The following CTNNA2 variants were observed in gnomAD, a reference collection of about 807,000 sequenced individuals.
The protein encoded by CTNNA2 is catenin alpha 2.
Under a neutral mutation model 101.0 loss-of-function variants are expected in CTNNA2, and 42 were observed. The observed-to-expected ratio is 0.42, with a 90% CI of 0.32 to 0.54. The LOEUF (loss-of-function observed/expected upper bound fraction) is 0.54, where lower values mean the gene tolerates loss of function less well. Among genes scored for constraint, CTNNA2 ranks in the 20% least tolerant of loss-of-function variants. CTNNA2 has a pLI of 0.14. For missense variants in CTNNA2, 871 were observed against 1,223.1 expected (o/e 0.71, Z 4.29); for synonymous variants, 450 against 456.4 (o/e 0.99, Z 0.18).
intron 4 of CTNNA2, among the ~76,000 whole-genome samples, chr2:79,419,614 A>G (rs1345534035): frequency 6.6e-6 from 1 of 152,168 alleles, no homozygotes; most frequent in Non-Finnish European, 1.5e-5. Flanking sequence ...TTGAGTTTAG[A>G]TATAAAATTT....
chr2:79,589,221 A>G (rs1294722728), intron 1 of CTNNA2, among the ~76,000 whole-genome samples: 2 of 152,212 alleles, frequency 1.3e-5, no homozygotes, highest in African/African-American at 4.8e-5. Context: ...CAGCAGGCCA[A>G]GGCAGTCCAC....
chr2:79,686,143 C>T (rs115552430), intron 2 of CTNNA2, among the ~76,000 whole-genome samples: 1,593 of 152,080 alleles, frequency 0.01, 28 homozygotes, highest in African/African-American at 0.037. Context: ...GGCTGGTAGA[C>T]CCATTGCAGG....
chr2:79,967,923 A>G (rs1690190880), intron 7 of CTNNA2, among the ~76,000 whole-genome samples: 1 of 152,230 alleles, frequency 6.6e-6, no homozygotes, highest in Admixed American at 6.5e-5. Context: ...GAACTCAAGA[A>G]CATTATGCTA....
intron 2 of CTNNA2, among the ~76,000 whole-genome samples, chr2:79,287,223 A>G (rs1405923520): frequency 2.0e-5 from 3 of 152,048 alleles, no homozygotes. Context: ...GCTCGGAGTA[A>G]TTTGATCATC....
chr2:80,180,651 G>T (rs750992678), intron 7 of CTNNA2, among the ~76,000 whole-genome samples: 1 of 152,166 alleles, frequency 6.6e-6, no homozygotes, highest in Non-Finnish European at 1.5e-5. Flanking sequence ...AGCCCTTCAA[G>T]GATGCAGGTC....
chr2:80,630,680 A>G (rs1573512262), intron 18 of CTNNA2, among the ~76,000 whole-genome samples: 1 of 152,136 alleles, frequency 6.6e-6, no homozygotes, highest in South Asian at 2.1e-4. Context: ...AAATTTTTAC[A>G]TGGTGAGAGA....
intron 2 of CTNNA2, among the ~76,000 whole-genome samples, chr2:79,710,473 G>T (rs1339473748): frequency 2.0e-5 from 3 of 152,180 alleles, no homozygotes; most frequent in Non-Finnish European, 2.9e-5. Context: ...TGTTATATTT[G>T]TTAGTCATGA....
intron 7 of CTNNA2, among the ~76,000 whole-genome samples, chr2:80,331,433 C>T (rs1388380943): frequency 1.3e-5 from 2 of 152,030 alleles, no homozygotes; most frequent in Non-Finnish European, 2.9e-5. Context: ...AGAGATAAGT[C>T]GATTGGGAAA....
At chr2:79,695,043 A>G (rs1684568621) in intron 2 of CTNNA2, among the ~76,000 whole-genome samples, 1 of 148,762 alleles carries the variant, frequency 6.7e-6, no homozygotes, top group African/African-American at 2.5e-5. Context: ...TTTTTGGGGT[A>G]TTATGTGAAA....
intron 7 of CTNNA2, among the ~76,000 whole-genome samples, chr2:80,099,717 A>G (rs1015314313): frequency 1.3e-5 from 2 of 151,198 alleles, no homozygotes; most frequent in Non-Finnish European, 2.9e-5. Context: ...CATTATAGGA[A>G]CAATTGCCAA....
At chr2:79,913,559 A>G (rs1340996011) in intron 7 of CTNNA2, among the ~76,000 whole-genome samples, 2 of 152,196 alleles carry the variant, frequency 1.3e-5, no homozygotes, top group Admixed American at 1.3e-4. Flanking sequence ...ACAGGCCACA[A>G]AGGCAAAAGG....
chr2:79,772,953 A>G (rs1673700629), intron 3 of CTNNA2, among the ~76,000 whole-genome samples: 1 of 152,240 alleles, frequency 6.6e-6, no homozygotes, highest in African/African-American at 2.4e-5. Context: ...TATCAAACAT[A>G]ACATTTTATT....
chr2:80,316,880 G>C (rs1573697181), intron 7 of CTNNA2, among the ~76,000 whole-genome samples: 1 of 152,224 alleles, frequency 6.6e-6, no homozygotes, highest in East Asian at 1.9e-4. Context: ...TAAGCAAATA[G>C]ATTAATAAGA....
chr2:79,306,214 C>G (rs1676240396), intron 2 of CTNNA2, among the ~76,000 whole-genome samples: 1 of 152,012 alleles, frequency 6.6e-6, no homozygotes, highest in Non-Finnish European at 1.5e-5. Flanking sequence ...TAAAATGGTA[C>G]TAAGGGATTG....
chr2:79,366,468 A>G (rs916651841), intron 3 of CTNNA2, among the ~76,000 whole-genome samples: 2 of 152,156 alleles, frequency 1.3e-5, no homozygotes, highest in African/African-American at 2.4e-5. Context: ...TTTCCCTGCC[A>G]GGGCACAGTG....
chr2:79,706,812 A>G (rs1463843819), intron 2 of CTNNA2, among the ~76,000 whole-genome samples: 1 of 152,100 alleles, frequency 6.6e-6, no homozygotes, highest in African/African-American at 2.4e-5. Flanking sequence ...GATATTTTAT[A>G]TTTTTGGAGC....
chr2:79,595,423 G>C (rs1361023528), intron 1 of CTNNA2, among the ~76,000 whole-genome samples: 1 of 152,078 alleles, frequency 6.6e-6, no homozygotes, highest in Non-Finnish European at 1.5e-5. Context: ...ATATTTCCTA[G>C]ATGTGAACAC....
intron 7 of CTNNA2, among the ~76,000 whole-genome samples, chr2:80,102,773 A>G (rs1276076899): frequency 6.6e-6 from 1 of 152,118 alleles, no homozygotes; most frequent in Non-Finnish European, 1.5e-5. Context: ...CAGCCTCCCA[A>G]TGTGCTGGGA....
intron 3 of CTNNA2, chr2:79,312,888 G>A (rs376640506): frequency 1.3e-5 from 2 of 152,300 alleles, no homozygotes; most frequent in East Asian, 3.9e-4. Context: ...CAAGAAATGA[G>A]TTCCTTTTTT....
Sources: gnomAD v4.1 joint callset for allele counts (sites outside exome capture counted in the v4.1 genomes callset) on GRCh38, gnomAD v4.1.1 for gene constraint, MANE v1.5 for transcripts, NCBI Gene and HGNC (gene_info 2026-07-23, HGNC 2026-07-21) for gene names.